RBMS1: variants seen among roughly 807,000 people sequenced by gnomAD.
RBMS1 encodes RNA-binding motif, single-stranded-interacting protein 1.
Under a neutral mutation model 62.3 loss-of-function variants are expected in RBMS1, and 17 were observed. The observed-to-expected ratio is 0.27, with a 90% CI of 0.19 to 0.41. The LOEUF (loss-of-function observed/expected upper bound fraction) is 0.41, where lower values mean the gene tolerates loss of function less well. Ranked by LOEUF, RBMS1 falls within the 10% of genes least tolerant of loss-of-function variation. The pLI is 1.00. For synonymous variants in RBMS1, 172 were observed against 170.0 expected (o/e 1.01, Z -0.09); for missense variants, 334 against 504.5 (o/e 0.66, Z 3.24).
Position 160,426,330 on chromosome 2 carries a change from GAAGGA to G in RBMS1, c.76-58944_76-58940del, listed in dbSNP as rs1342278803. On this transcript the variant is annotated intron_variant, in intron 1 of 13. Coordinates refer to ENST00000348849, the MANE Select transcript of RBMS1 (RefSeq NM_016836.4). ...GGAAGGAAGGAAGGAAGGAAGGAAG[GAAGGA>G]AAGGAAGGAAGGAAAGAGGGAAGGA... is the stretch of plus-strand genomic sequence containing the variant. 1.6e-4 allele frequency among the ~76,000 whole-genome samples: 19 copies of G among 119,652 alleles called. 3 individuals carry two copies. The highest frequency in any genetic ancestry group is 1.8e-4 in the African/African-American group (6 of 33,050). 78.5% of individuals were successfully genotyped at this position (119,652 alleles called of 152,430 possible). A position where few individuals can be genotyped will look rare whatever the true frequency, so the allele number is the denominator to read the frequency against.
chr2:160,436,110 C>T (rs1265916267), intron 1 of RBMS1, among the ~76,000 whole-genome samples: 1 of 152,198 alleles, frequency 6.6e-6, no homozygotes, highest in Non-Finnish European at 1.5e-5. Flanking sequence ...GATAGATAAT[C>T]TCCAATGAGC....
chr2:160,439,062 AG>A (rs1438093258), intron 1 of RBMS1, among the ~76,000 whole-genome samples: 2 of 145,510 alleles, frequency 1.4e-5, no homozygotes, highest in Admixed American at 6.8e-5. Flanking sequence ...GGCCGAGCAG[AG>A]GGGCTCCTCA....
chr2:160,432,967 G>A (rs184165687), intron 1 of RBMS1, among the ~76,000 whole-genome samples: 211 of 152,282 alleles, frequency 1.4e-3, no homozygotes, highest in African/African-American at 4.6e-3. Flanking sequence ...CACCCTAGTT[G>A]CCCAATCCTC....
At chr2:160,458,276 T>C (rs931813548) in intron 1 of RBMS1, among the ~76,000 whole-genome samples, 10 of 152,168 alleles carry the variant, frequency 6.6e-5, no homozygotes, top group Non-Finnish European at 1.5e-4. Context: ...AAACTGTCAA[T>C]ATCTAAAAAA....
At chr2:160,452,158 G>A (rs1684017817) in intron 1 of RBMS1, among the ~76,000 whole-genome samples, 1 of 151,934 alleles carries the variant, frequency 6.6e-6, no homozygotes, top group Non-Finnish European at 1.5e-5. Context: ...AATCAGATCA[G>A]TTATGAGAAG....
intron 9 of RBMS1, chr2:160,284,562 G>A: frequency 1.8e-6 from 1 of 545,366 alleles, no homozygotes; most frequent in Non-Finnish European, 3.3e-6. Context: ...TCCAAGGACT[G>A]ACCACTGACA....
chr2:160,426,457 C>T (rs1439677175), intron 1 of RBMS1, among the ~76,000 whole-genome samples: 2 of 152,200 alleles, frequency 1.3e-5, no homozygotes, highest in East Asian at 3.9e-4. Context: ...TCTCCCTCAA[C>T]AAACATAAAA....
At chr2:160,320,494 A>G (rs1015807640) in intron 2 of RBMS1, among the ~76,000 whole-genome samples, 2 of 152,280 alleles carry the variant, frequency 1.3e-5, no homozygotes, top group Admixed American at 6.5e-5. Flanking sequence ...AAAACTCCCA[A>G]TGTTGGAGAT....
chr2:160,381,107 TCTAA>T (rs1249887563), intron 1 of RBMS1, among the ~76,000 whole-genome samples: 4 of 152,174 alleles, frequency 2.6e-5, no homozygotes, highest in Non-Finnish European at 4.4e-5. Context: ...CCTTATAGAC[TCTAA>T]CTAACTTCAT....
chr2:160,459,397 T>A (rs757201234), intron 1 of RBMS1, among the ~76,000 whole-genome samples: 12 of 152,238 alleles, frequency 7.9e-5, no homozygotes, highest in Non-Finnish European at 1.3e-4. Context: ...ATGATCTTTT[T>A]AATAGCGCAA....
rs759673460 is a variant in RBMS1 at position 160,367,366 on chromosome 2, A to G, written c.101T>C (p.Met34Thr). The G allele has an allele frequency of 3.8e-5, 50 of 1,324,346 alleles. No homozygotes were observed. The highest frequency in any genetic ancestry group is 1.6e-4 in the South Asian group (14 of 86,082). The allele number at this position is 1,324,346 out of a possible 1,614,324, so 82.0% of individuals were successfully genotyped here. A position where few individuals can be genotyped will look rare whatever the true frequency, so the allele number is the denominator to read the frequency against. The change falls in exon 2 of 14, where the codon ATG (methionine) becomes ACG (threonine). Residue 34 changes from methionine to threonine, a missense_variant. Met to Thr is a moderately conservative substitution (Grantham distance 81). Transcript: ENST00000348849. ...GGTGGTGCTGGGACTGGGAGGGGCC[A>G]TGGGGTGGGCTGGGACCAGAGACTG... ...AKQSLVPAHPMAPPSPSTTSS... is the reference protein window; with the variant it reads ...AKQSLVPAHPTAPPSPSTTSS...
chr2:160,277,186 A>T, intron 12 of RBMS1, 117 bp downstream of exon 12: 1 of 943,214 alleles, frequency 1.1e-6, no homozygotes, highest in Non-Finnish European at 1.6e-6. Flanking sequence ...ACATCTGGCT[A>T]AACGCAATTC....
At chr2:160,378,710 A>T (rs1463117879) in intron 1 of RBMS1, among the ~76,000 whole-genome samples, 1 of 152,144 alleles carries the variant, frequency 6.6e-6, no homozygotes, top group East Asian at 1.9e-4. Context: ...AGGAACCCTT[A>T]AAGAATCACT....
intron 4 of RBMS1, among the ~76,000 whole-genome samples, chr2:160,311,220 C>CATA (rs1689846208): frequency 1.2e-5 from 1 of 84,988 alleles, no homozygotes; most frequent in Admixed American, 1.5e-4. Flanking sequence ...ATCTATCTAT[C>CATA]TATCTATCTA....
chr2:160,407,652 C>T (rs1049097052), intron 1 of RBMS1: 1 of 981,634 alleles, frequency 1.0e-6, no homozygotes, highest in Non-Finnish European at 1.2e-6. Flanking sequence ...TCTGGGAACT[C>T]CCTCTCGCCG....
At chr2:160,426,803 C>T (rs1306233485) in intron 1 of RBMS1, among the ~76,000 whole-genome samples, 1 of 152,138 alleles carries the variant, frequency 6.6e-6, no homozygotes, top group African/African-American at 2.4e-5. Flanking sequence ...CCTAGGGTCA[C>T]AGTGGCCTCT....
intron 2 of RBMS1, among the ~76,000 whole-genome samples, chr2:160,356,313 T>C (rs1272898537): frequency 6.6e-6 from 1 of 152,148 alleles, no homozygotes. Context: ...GAGTTTTTTA[T>C]TTTATTGGCT....
chr2:160,376,971 C>G (rs1034289143), intron 1 of RBMS1, among the ~76,000 whole-genome samples: 6 of 152,128 alleles, frequency 3.9e-5, no homozygotes, highest in Admixed American at 2.0e-4. Context: ...CCTGGTCAAT[C>G]TGTGTATTTC....
chr2:160,337,390 T>G (rs1258914022), intron 2 of RBMS1, among the ~76,000 whole-genome samples: 1 of 152,078 alleles, frequency 6.6e-6, no homozygotes, highest in African/African-American at 2.4e-5. Context: ...CCACTCAGCC[T>G]CCCAAAGTGC....
Sources: allele counts gnomAD v4.1 joint callset (sites outside exome capture counted in the v4.1 genomes callset), GRCh38; gene constraint gnomAD v4.1.1; transcripts MANE v1.5; gene names NCBI Gene and HGNC (gene_info 2026-07-23, HGNC 2026-07-21).